PTPRN2: variants seen among roughly 807,000 people sequenced by gnomAD.
PTPRN2 encodes the protein receptor-type tyrosine-protein phosphatase N2.
In PTPRN2, 74 loss-of-function variants were observed where a neutral mutation model predicts 118.8. That is an observed-to-expected ratio of 0.62 (90% CI 0.52 to 0.76). PTPRN2 has a LOEUF of 0.76. Ranked by LOEUF, PTPRN2 falls within the 30% of genes least tolerant of loss-of-function variation. PTPRN2 has a pLI of 0.00. For synonymous variants in PTPRN2, 641 were observed against 608.0 expected (o/e 1.05, Z -0.80); for missense variants, 1,481 against 1,394.4 (o/e 1.06, Z -0.99).
In PTPRN2 at chr7:157,635,476, G is replaced by A. The variant is rs372178684; in HGVS notation, c.2197-13967C>T. ...AGGCGTTTCGGACAAATGGTTACCA[G>A]TGTTTCATGGAATGATTTTCTTCAC... On this transcript the variant is annotated intron_variant, in intron 14 of 22. Transcript: ENST00000389418. Among the ~76,000 whole-genome samples the A allele has an allele frequency of 7.2e-5, 11 of 152,390 alleles. No homozygotes were observed. The East Asian group carries it at 1.2e-3, about 16-fold the overall frequency.
chr7:157,814,040 C>A (rs1806228613), intron 12 of PTPRN2, among the ~76,000 whole-genome samples: 1 of 152,234 alleles, frequency 6.6e-6, no homozygotes, highest in Non-Finnish European at 1.5e-5. Context: ...CGAGACTGTG[C>A]CCACGCGAGG....
chr7:158,086,601 GA>G (rs2128937982), intron 10 of PTPRN2, among the ~76,000 whole-genome samples: 1 of 152,232 alleles, frequency 6.6e-6, no homozygotes, highest in Admixed American at 6.5e-5. Context: ...AACCACCAAC[GA>G]AAAGCACAAA....
Position 158,203,478 on chromosome 7 carries a change from G to A in PTPRN2, c.380+1693C>T, listed in dbSNP as rs191876872. On this transcript the variant is annotated intron_variant, in intron 4 of 22. Coordinates refer to ENST00000389418, the MANE Select transcript of PTPRN2 (RefSeq NM_002847.5). ...ACGTTGTTTAGAAGGCACAATCCAG[G>A]CGCCTCTCCATGGTTGTTGCTGAGT... Among the ~76,000 whole-genome samples, 109 of 152,104 alleles carry A rather than the reference G, an allele frequency of 7.2e-4. 2 individuals are homozygous for A. The South Asian group carries it at 0.022, about 31-fold the overall frequency.
In PTPRN2 at chr7:157,621,658, G is replaced by A. The variant is rs188192368; in HGVS notation, c.2197-149C>T. The stretch of plus-strand genomic sequence containing the variant: ...GGGCCATGGTGCGACGTTGTGCTAC[G>A]GTGCACAATGCATATCATACCATGC... On this transcript the variant is annotated intron_variant, in intron 14 of 22. Transcript: ENST00000389418. The A allele has an allele frequency of 3.5e-4, 316 of 899,266 alleles. 3 individuals are homozygous for A. In the South Asian group the frequency reaches 4.1e-3, roughly 12 times the overall value. The allele number at this position is 899,266 out of a possible 1,614,324, so 55.7% of individuals were successfully genotyped here.
rs4716756 is a variant in PTPRN2 at position 157,550,312 on chromosome 7, G to A, written c.2903-1293C>T. 0.035 allele frequency among the ~76,000 whole-genome samples: 5,327 copies of A among 151,566 alleles called. 216 individuals carry two copies. The highest frequency in any genetic ancestry group is 0.14 in the East Asian group (699 of 5,172). On this transcript the variant is annotated intron_variant, in intron 21 of 22. Transcript: ENST00000389418. This position sits in a 1 kb window ranked among gnomAD's most constrained non-coding sequence, Gnocchi z 5.2. Reference sequence around the variant, plus strand: ...GCGAAGCACCTCCAAGTCACAGCAGGTGCCTGCGAAGCACCTCCAAGTCAG... The same window carrying A: ...GCGAAGCACCTCCAAGTCACAGCAGATGCCTGCGAAGCACCTCCAAGTCAG...
chr7:157,544,155 A>G (rs1178378101), intron 22 of PTPRN2, among the ~76,000 whole-genome samples: 2 of 142,050 alleles, frequency 1.4e-5, no homozygotes, highest in African/African-American at 5.5e-5. Context: ...AGAGACGGAG[A>G]GAGGTGGAGA....
At chr7:158,183,319 CA>C (rs1336542922) in intron 5 of PTPRN2, among the ~76,000 whole-genome samples, 1 of 152,120 alleles carries the variant, frequency 6.6e-6, no homozygotes, top group Non-Finnish European at 1.5e-5. Context: ...GATATTGTCC[CA>C]ATCATCATGG....
intron 13 of PTPRN2, among the ~76,000 whole-genome samples, chr7:157,678,634 C>T (rs906338749): frequency 1.3e-5 from 2 of 152,206 alleles, no homozygotes; most frequent in South Asian, 2.1e-4. Flanking sequence ...GCAGCAGCAG[C>T]GACCGAGACG....
At chr7:158,075,832 T>C (rs112057465) in intron 11 of PTPRN2, among the ~76,000 whole-genome samples, 8,508 of 152,286 alleles carry the variant, frequency 0.056, 844 homozygotes, top group African/African-American at 0.19. Context: ...CAGCCACAGC[T>C]GGAGCCCAGG....
In PTPRN2 at chr7:157,927,330, G is replaced by A. The variant is rs1185985684; in HGVS notation, c.1724-28593C>T. 1.5e-4 allele frequency among the ~76,000 whole-genome samples: 12 copies of A among 80,616 alleles called. No homozygotes were observed. The South Asian group carries it at 4.2e-3, about 28-fold the overall frequency. 52.9% of individuals were successfully genotyped at this position (80,616 alleles called of 152,430 possible). On this transcript the variant is annotated intron_variant, in intron 11 of 22. Transcript: ENST00000389418. ...CATGTCTTCTGGGACCCCAAGACAG[G>A]AAGCCCCAGGGACCCGTCTGAGAGC...
At chr7:157,921,776 ACTT>A (rs1007507158) in intron 11 of PTPRN2, among the ~76,000 whole-genome samples, 12 of 152,308 alleles carry the variant, frequency 7.9e-5, no homozygotes, top group African/African-American at 9.6e-5. Flanking sequence ...AGCTAAATAA[ACTT>A]CTTTTCTTAT....
rs187403993 is a variant in PTPRN2, at chr7:158,512,529, C to T, written c.113-22744G>A. Among the ~76,000 whole-genome samples, 577 of 152,278 alleles carry T rather than the reference C, an allele frequency of 3.8e-3. 6 individuals carry two copies. The highest frequency in any genetic ancestry group is 6.9e-3 in the Non-Finnish European group (472 of 68,018). On this transcript the variant is annotated intron_variant, in intron 1 of 22. Coordinates refer to ENST00000389418, the MANE Select transcript of PTPRN2 (RefSeq NM_002847.5). ...TATATTCCTAGATCTCACAGTCACACCCACATGCACACACTCACACACATG... is the reference window on the plus strand; with the variant it reads ...TATATTCCTAGATCTCACAGTCACATCCACATGCACACACTCACACACATG...
intron 2 of PTPRN2, among the ~76,000 whole-genome samples, chr7:158,378,231 C>T (rs1006652225): frequency 2.0e-5 from 3 of 152,168 alleles, no homozygotes; most frequent in African/African-American, 7.2e-5. Flanking sequence ...TTGACAATGG[C>T]TTTTTTACAT....
intron 11 of PTPRN2, among the ~76,000 whole-genome samples, chr7:157,955,891 C>T (rs4716836): frequency 0.83 from 125,804 of 152,140 alleles, 52,588 homozygotes; most frequent in East Asian, 0.9. Context: ...CAAATTGGTG[C>T]GATTTCCAAT....
chr7:157,739,801 A>G (rs1800515884), intron 12 of PTPRN2, among the ~76,000 whole-genome samples: 1 of 152,198 alleles, frequency 6.6e-6, no homozygotes, highest in Admixed American at 6.5e-5. Flanking sequence ...TTTGGTTCTG[A>G]CGGCAGAGAA....
chr7:157,980,588 T>G (rs1585128658), intron 11 of PTPRN2, among the ~76,000 whole-genome samples: 1 of 152,014 alleles, frequency 6.6e-6, no homozygotes, highest in East Asian at 1.9e-4. Context: ...CCGTCTCTAC[T>G]AAAACTATAA....
At chr7:158,512,482 C>T (rs1823248283) in intron 1 of PTPRN2, among the ~76,000 whole-genome samples, 1 of 152,112 alleles carries the variant, frequency 6.6e-6, no homozygotes, top group Non-Finnish European at 1.5e-5. Flanking sequence ...CAGATGGTAA[C>T]AGAAATATTT....
intron 1 of PTPRN2, among the ~76,000 whole-genome samples, chr7:158,561,905 G>A (rs552021573): frequency 1.3e-5 from 2 of 152,310 alleles, no homozygotes; most frequent in South Asian, 4.1e-4. Flanking sequence ...GTGAAGCATT[G>A]CAGCCCAGCA....
chr7:157,884,749 G>A (rs1413217689), intron 12 of PTPRN2, among the ~76,000 whole-genome samples: 1 of 152,138 alleles, frequency 6.6e-6, no homozygotes, highest in Non-Finnish European at 1.5e-5. Flanking sequence ...TGACTGTCAC[G>A]AGAACAGCAT....
Sources: allele counts gnomAD v4.1 joint callset (sites outside exome capture counted in the v4.1 genomes callset), GRCh38; gene constraint gnomAD v4.1.1; non-coding constraint Gnocchi (gnomAD v3.1); transcripts MANE v1.5; gene names NCBI Gene and HGNC (gene_info 2026-07-23, HGNC 2026-07-21).